Variants in NUP155 observed in about 807,000 individuals in gnomAD.
NUP155 encodes the protein nuclear pore complex protein Nup155.
Under a neutral mutation model 180.4 loss-of-function variants are expected in NUP155, and 71 were observed. The ratio of observed to expected loss-of-function variants is 0.39; its 90% CI spans 0.33 to 0.48. NUP155 has a LOEUF of 0.48. Among genes scored for constraint, NUP155 ranks in the 20% least tolerant of loss-of-function variants. The pLI is 0.91. For synonymous variants in NUP155, 582 were observed against 559.5 expected, an observed-to-expected ratio of 1.04 and a Z score of -0.57; for missense variants, 1,553 against 1,648.9, an observed-to-expected ratio of 0.94 and a Z score of 1.01.
chr5:37,348,667 T>C, intron 8 of NUP155, 71 bp from the exon 9 acceptor site: 1 of 895,726 alleles, frequency 1.1e-6, no homozygotes, highest in Non-Finnish European at 1.9e-6. Flanking sequence ...CTCTTTCTTT[T>C]AAGGGATCCT....
In NUP155 at chr5:37,294,359, T is replaced by C. The variant is rs1336305613; in HGVS notation, c.3900A>G (p.Leu1300=). 1.3e-6 allele frequency: 2 copies of C among 1,599,302 alleles called. No homozygotes were observed. Among genetic ancestry groups the C allele is most frequent in the Non-Finnish European group, 1.7e-6 (2 of 1,167,058 alleles). The change falls in exon 33 of 35, where the codon CTA becomes CTG. Residue 1300 remains leucine, a synonymous_variant. Coordinates refer to ENST00000231498, the MANE Select transcript of NUP155 (RefSeq NM_153485.3). ...ATTTGAACAACTGATCATAAACTTC[T>C]AGTAGTCTAGGTAATGGTACTCCAA... ...NEIGVPLPRL[L]EVYDQLFKSR... is the part of the protein sequence containing the mutation.
chr5:37,355,370 T>C (rs1746747001), intron 4 of NUP155, among the ~76,000 whole-genome samples: 1 of 151,470 alleles, frequency 6.6e-6, no homozygotes, highest in Non-Finnish European at 1.5e-5. Flanking sequence ...TAGCCGGGAA[T>C]GGTGGCACAT....
At chr5:37,365,738 A>AATATAT (rs1561818768) in intron 1 of NUP155, among the ~76,000 whole-genome samples, 22 of 37,134 alleles carry the variant, frequency 5.9e-4, no homozygotes, top group Admixed American at 1.6e-3. Flanking sequence ...AAAAAAAAAA[A>AATATAT]ATATATATAT....
At chr5:37,348,053 G>C (rs913415207) in intron 9 of NUP155, among the ~76,000 whole-genome samples, 3 of 152,130 alleles carry the variant, frequency 2.0e-5, no homozygotes, top group Non-Finnish European at 4.4e-5. Flanking sequence ...AGAATCGCTT[G>C]AACGCGCGAG....
rs1746366714 is a variant in NUP155, at chr5:37,350,214, T to C, written c.775A>G (p.Ser259Gly). Residue 259 changes from serine to glycine, a missense_variant, in exon 7 of 35, where the codon AGC (serine) becomes GGC (glycine). Ser to Gly is a moderately conservative substitution (Grantham distance 56, BLOSUM62 0). Coordinates refer to ENST00000231498, the MANE Select transcript of NUP155 (RefSeq NM_153485.3). ...QRCRKINHSK[S>G]SLSFLVPSLL... ...GAAGGAACAAGGAAAGAAAGTGAGC[T>C]CTTTGAGTGGTTTATTTTCCTACAT... 6.2e-7 allele frequency: 1 copy of C among 1,613,842 alleles called. No individual in the cohort carries two copies. Among genetic ancestry groups the C allele is most frequent in the Non-Finnish European group, 8.5e-7 (1 of 1,179,946 alleles).
chr5:37,346,860 A>G (rs1480377451), intron 9 of NUP155, among the ~76,000 whole-genome samples: 1 of 152,150 alleles, frequency 6.6e-6, no homozygotes, highest in African/African-American at 2.4e-5. Context: ...GGGTACTACA[A>G]CTTTGAAATA....
chr5:37,336,111 AAAAAC>A (rs1198842206), intron 12 of NUP155, among the ~76,000 whole-genome samples: 1 of 152,130 alleles, frequency 6.6e-6, no homozygotes, highest in Non-Finnish European at 1.5e-5. Flanking sequence ...TTTTTTTGTT[AAAAAC>A]AAAAGTCCAC....
At position 37,303,262 on chromosome 5, in the gene NUP155, A is replaced by G. The variant is rs1742964866; in HGVS notation, c.3315T>C (p.His1105=). The change falls in exon 28 of 35, where the codon CAT becomes CAC. Residue 1105 remains histidine (H), a splice_region_variant and synonymous_variant. Transcript: ENST00000231498. Reference sequence around the variant, plus strand: ...ACAATAAGAATATTATGCCATACCTATGCATGTCAGCCAGTCTGGACAGTA... The same window carrying G: ...ACAATAAGAATATTATGCCATACCTGTGCATGTCAGCCAGTCTGGACAGTA... ...ARVLSRLADM[H]STEISLQQRL... is the part of the protein sequence containing the mutation. 1 of 1,613,872 alleles carries G rather than the reference A, an allele frequency of 6.2e-7. No individual in the cohort carries two copies. The highest frequency in any genetic ancestry group is 1.3e-5 in the African/African-American group (1 of 74,922).
intron 17 of NUP155, among the ~76,000 whole-genome samples, chr5:37,328,128 T>G (rs903310715): frequency 1.1e-4 from 16 of 152,230 alleles, no homozygotes; most frequent in Non-Finnish European, 2.2e-4. Context: ...AGGGTTCAAT[T>G]TAATCCTGGT....
chr5:37,326,020 C>A (rs142052131), intron 18 of NUP155, 53 bp from the exon 19 acceptor site: 2 of 1,236,382 alleles, frequency 1.6e-6, no homozygotes, highest in African/African-American at 3.0e-5. Flanking sequence ...AAAACAATTA[C>A]AATAAATTTC....
rs750864594 is a variant in NUP155, at chr5:37,327,784, A to G, written c.1877-8T>C. 17 of 1,614,010 alleles carry G rather than the reference A, an allele frequency of 1.1e-5. No individual in the cohort carries two copies. The highest frequency in any genetic ancestry group is 5.5e-5 in the South Asian group (5 of 91,088). On this transcript the variant is annotated splice_region_variant and splice_polypyrimidine_tract_variant and intron_variant, in intron 17 of 34. Coordinates refer to ENST00000231498, the MANE Select transcript of NUP155 (RefSeq NM_153485.3). ...TGGCAGGAGGCTGTATACCTTGTAC[A>G]CACATAAGAAAAACAAATCTCTTAA...
intron 32 of NUP155, among the ~76,000 whole-genome samples, chr5:37,296,749 G>A (rs1038570708): frequency 1.3e-5 from 2 of 151,984 alleles, no homozygotes; most frequent in Non-Finnish European, 2.9e-5. Flanking sequence ...TTTCAGAAAA[G>A]GGCAACTGCA....
intron 31 of NUP155, 21 bp from the exon 32 acceptor site, chr5:37,298,999 AT>A: frequency 7.4e-7 from 1 of 1,345,226 alleles, no homozygotes; most frequent in Non-Finnish European, 1.1e-6. Context: ...AAGACATGTC[AT>A]TTGAAACCCA....
intron 9 of NUP155, among the ~76,000 whole-genome samples, chr5:37,347,863 A>G (rs1746199296): frequency 6.6e-6 from 1 of 152,040 alleles, no homozygotes; most frequent in Non-Finnish European, 1.5e-5. Flanking sequence ...TAGGCTGGGC[A>G]TGGTGGCTCA....
chr5:37,333,689 G>T (rs1460723073), intron 12 of NUP155, 56 bp from the exon 13 acceptor site: 1 of 1,298,140 alleles, frequency 7.7e-7, no homozygotes, highest in African/African-American at 1.5e-5. Flanking sequence ...TAATGCAAAA[G>T]AAAAAACTAC....
At chr5:37,314,377 G>C (rs775961735) in intron 21 of NUP155, 49 bp from the exon 22 acceptor site, 1 of 1,407,916 alleles carries the variant, frequency 7.1e-7, no homozygotes, top group East Asian at 2.4e-5. Context: ...AGGTTAAGTT[G>C]CTTTATTTCA....
chr5:37,295,126 C>T (rs1310183592), intron 32 of NUP155, among the ~76,000 whole-genome samples: 10 of 152,310 alleles, frequency 6.6e-5, no homozygotes, highest in Middle Eastern at 6.8e-3. Context: ...ACTGCTATCT[C>T]GGCTCACTGC....
chr5:37,310,374 A>G (rs1339326197), intron 23 of NUP155, among the ~76,000 whole-genome samples, 178 bp downstream of exon 23: 1 of 152,122 alleles, frequency 6.6e-6, no homozygotes, highest in Non-Finnish European at 1.5e-5. Context: ...AGCTTAAAAG[A>G]GTATACACTG....
intron 14 of NUP155, among the ~76,000 whole-genome samples, chr5:37,330,758 A>C (rs1744904101): frequency 6.6e-6 from 1 of 152,190 alleles, no homozygotes. Flanking sequence ...CAAACAAACC[A>C]AAAACAACTT....
Sources: allele counts gnomAD v4.1 joint callset (sites outside exome capture counted in the v4.1 genomes callset), GRCh38; gene constraint gnomAD v4.1.1; transcripts MANE v1.5; gene names NCBI Gene and HGNC (gene_info 2026-07-23, HGNC 2026-07-21).